The following NXN variants were observed in gnomAD, a reference collection of about 807,000 sequenced individuals.
The protein encoded by NXN is nucleoredoxin 1.
In NXN, 16 loss-of-function variants were observed where a neutral mutation model predicts 48.6. The observed-to-expected ratio is 0.33, with a 90% confidence interval of 0.22 to 0.50. NXN has a LOEUF of 0.50. NXN is among the 20% of genes least tolerant of loss of function. The pLI, the probability that NXN is intolerant of heterozygous loss-of-function variation, is 0.98. For synonymous variants in NXN, 281 were observed against 269.6 expected (o/e 1.04, Z -0.41); for missense variants, 492 against 605.5 (o/e 0.81, Z 1.97).
chr17:801,024 C>T lies in NXN; in HGVS notation c.1233G>A (p.Glu411=). 1 of 1,573,380 alleles carries T rather than the reference C, an allele frequency of 6.4e-7. No individual in the cohort carries two copies. Among genetic ancestry groups the T allele is most frequent in the Non-Finnish European group, 8.6e-7 (1 of 1,158,426 alleles). The change falls in exon 8 of 8, where the codon GAG becomes GAA. Residue 411 remains glutamate (E), a synonymous_variant. Coordinates refer to ENST00000336868, the MANE Select transcript of NXN (RefSeq NM_022463.5). The part of the protein sequence containing the change: ...SARAKYVMDV[E]EITPAIVEAF... Reference sequence around the variant, plus strand: ...CCTCCACGATGGCGGGGGTGATCTCCTCCACGTCCATCACGTACTTGGCCC... The same window carrying T: ...CCTCCACGATGGCGGGGGTGATCTCTTCCACGTCCATCACGTACTTGGCCC...
intron 1 of NXN, among the ~76,000 whole-genome samples, chr17:870,023 C>A (rs1324652349): frequency 6.6e-6 from 1 of 152,152 alleles, no homozygotes; most frequent in South Asian, 2.1e-4. Flanking sequence ...TGCCTGGGAA[C>A]GTTCCTGGCT....
chr17:979,251 C>G lies in NXN; in HGVS notation c.360+68G>C, dbSNP rs1281176722. The G allele has an allele frequency of 1.6e-4, 119 of 764,704 alleles. No individual in the cohort carries two copies. The African/African-American group carries it at 5.9e-3, about 38-fold the overall frequency. 47.4% of individuals were successfully genotyped at this position (764,704 alleles called of 1,614,324 possible). A position where few individuals can be genotyped will look rare whatever the true frequency, so the allele number is the denominator to read the frequency against. ...GTTGGCGGAGGGCAGGGGTAACGGG[C>G]GTGGGGGGCGGGCAGGGGTAACGGG... On this transcript the variant is annotated intron_variant, in intron 1 of 7. Transcript: ENST00000336868.
intron 5 of NXN, among the ~76,000 whole-genome samples, chr17:814,079 G>A (rs1483275209): frequency 8.6e-5 from 13 of 151,938 alleles, no homozygotes; most frequent in Admixed American, 8.5e-4. Context: ...TGGCCAACAT[G>A]GTGAAACCCT....
intron 5 of NXN, among the ~76,000 whole-genome samples, chr17:807,127 T>C (rs1911598312): frequency 6.6e-6 from 1 of 152,116 alleles, no homozygotes; most frequent in Admixed American, 6.5e-5. Context: ...TGTCCATCCA[T>C]GAGGCTCGGG....
At chr17:964,269 C>A (rs1222915116) in intron 1 of NXN, among the ~76,000 whole-genome samples, 1 of 152,042 alleles carries the variant, frequency 6.6e-6, no homozygotes, top group Admixed American at 6.6e-5. Flanking sequence ...GAACACACAC[C>A]GTGTTTTGTT....
chr17:900,867 G>A (rs150200677), intron 1 of NXN, among the ~76,000 whole-genome samples: 1 of 148,380 alleles, frequency 6.7e-6, no homozygotes, highest in East Asian at 2.0e-4. Context: ...AGGCAGGGGA[G>A]TTTTGAGAGA....
intron 1 of NXN, among the ~76,000 whole-genome samples, chr17:954,331 A>C (rs1253914612): frequency 6.6e-6 from 1 of 151,728 alleles, no homozygotes; most frequent in Admixed American, 6.6e-5. Context: ...CAGTGAGCCG[A>C]GATCGCACCA....
chr17:809,981 CTG>C (rs1555608720), intron 5 of NXN, among the ~76,000 whole-genome samples: 2 of 85,156 alleles, frequency 2.3e-5, no homozygotes, highest in East Asian at 3.8e-4. Flanking sequence ...CGTTACGAGT[CTG>C]TGAGTGGCGT....
At chr17:803,445 G>A (rs879658835) in intron 7 of NXN, among the ~76,000 whole-genome samples, 18 of 152,210 alleles carry the variant, frequency 1.2e-4, no homozygotes, top group African/African-American at 2.7e-4. Context: ...GCCTGGGGAC[G>A]GCTCCCTGCT....
intron 1 of NXN, among the ~76,000 whole-genome samples, chr17:909,160 G>A (rs970425300): frequency 2.0e-5 from 3 of 146,496 alleles, no homozygotes; most frequent in African/African-American, 5.2e-5. Flanking sequence ...CTAGTCAAAC[G>A]AGAGGAACAC....
intron 1 of NXN, among the ~76,000 whole-genome samples, chr17:881,322 G>A (rs954039933): frequency 6.6e-5 from 10 of 152,094 alleles, no homozygotes; most frequent in East Asian, 5.8e-4. Context: ...ATCTCAGCTC[G>A]CCGCAGCACC....
intron 1 of NXN, among the ~76,000 whole-genome samples, chr17:866,845 T>C (rs1326713313): frequency 6.6e-6 from 1 of 152,274 alleles, no homozygotes; most frequent in Non-Finnish European, 1.5e-5. Context: ...GATTTGAGCA[T>C]GGGTCAGGGC....
chr17:835,047 G>A (rs945762483), intron 1 of NXN, among the ~76,000 whole-genome samples: 4 of 150,992 alleles, frequency 2.6e-5, no homozygotes, highest in South Asian at 2.1e-4. Context: ...GGTGGCTCAC[G>A]CCCGTAATCC....
intron 1 of NXN, among the ~76,000 whole-genome samples, chr17:862,982 G>C (rs762673342): frequency 6.6e-6 from 1 of 152,126 alleles, no homozygotes; most frequent in Non-Finnish European, 1.5e-5. Context: ...GAAGGTTTAG[G>C]AATGAAATAT....
chr17:968,941 A>AAAAG (rs1041680359), intron 1 of NXN, among the ~76,000 whole-genome samples: 8 of 152,128 alleles, frequency 5.3e-5, no homozygotes, highest in African/African-American at 1.7e-4. Flanking sequence ...GGTCTCAAAA[A>AAAAG]AAAGAAAGAA....
In NXN at chr17:956,672, C is replaced by G. The variant is rs1443389879; in HGVS notation, c.360+22647G>C. Among the ~76,000 whole-genome samples, 6 of 152,200 alleles carry G rather than the reference C, an allele frequency of 3.9e-5. No individual in the cohort carries two copies. The highest frequency in any genetic ancestry group is 8.8e-5 in the Non-Finnish European group (6 of 68,048). ...TCAGGTGATCCGTCCACCTCAGCCTCCCAAAGTGCTGGGATTACAGGCGTG... is the reference window on the plus strand; with the variant it reads ...TCAGGTGATCCGTCCACCTCAGCCTGCCAAAGTGCTGGGATTACAGGCGTG... On this transcript the variant is annotated intron_variant, in intron 1 of 7. Coordinates refer to ENST00000336868, the MANE Select transcript of NXN (RefSeq NM_022463.5). This position sits in a 1 kb window ranked among gnomAD's most constrained non-coding sequence, Gnocchi z 4.1.
Position 803,763 on chromosome 17 carries a change from A to C in NXN, c.1044T>G (p.Ile348Met). ...CAATGATTTTCTCAGCTATCGGCTG[A>C]ATCAGCTGCTTGGCCGCCTCGGACT... ...DGESEAAKQLIQPIAEKIIAK... is the reference protein window; with the variant it reads ...DGESEAAKQLMQPIAEKIIAK... Residue 348 changes from isoleucine to methionine, a missense_variant, in exon 7 of 8, where the codon ATT (isoleucine) becomes ATG (methionine). By Grantham distance (10) the Ile-to-Met change is conservative (BLOSUM62 1). Around this residue, in one of 3 missense-constraint regions of NXN, gnomAD observed 303 missense variants for 388.3 expected, o/e 0.78. Coordinates refer to ENST00000336868, the MANE Select transcript of NXN (RefSeq NM_022463.5). 1 of 1,614,234 alleles carries C rather than the reference A, an allele frequency of 6.2e-7. No homozygotes were observed. Among genetic ancestry groups the C allele is most frequent in the Non-Finnish European group, 8.5e-7 (1 of 1,180,042 alleles).
intron 1 of NXN, among the ~76,000 whole-genome samples, chr17:977,375 G>A (rs780577373): frequency 6.6e-6 from 1 of 152,176 alleles, no homozygotes; most frequent in Non-Finnish European, 1.5e-5. Flanking sequence ...TGTCATCCAG[G>A]TTCTCATCAT....
At chr17:871,399 CTTTTTTTT>C (rs11345310) in intron 1 of NXN, among the ~76,000 whole-genome samples, 11,052 of 102,030 alleles carry the variant, frequency 0.11, 420 homozygotes, top group Middle Eastern at 0.21. Flanking sequence ...TACGCATTCA[CTTTTTTTT>C]TTTTTTTTTT....
Sources: gnomAD v4.1 joint callset for allele counts (sites outside exome capture counted in the v4.1 genomes callset) on GRCh38, gnomAD v4.1.1 for gene constraint, gnomAD v4.1.1 regional missense constraint, Gnocchi (gnomAD v3.1) non-coding constraint, MANE v1.5 for transcripts, NCBI Gene and HGNC (gene_info 2026-07-23, HGNC 2026-07-21) for gene names.